Variants in LHFPL3 observed in about 807,000 individuals in gnomAD.
LHFPL3 encodes the protein LHFPL tetraspan subfamily member 3 protein.
A neutral mutation model predicts 19.3 loss-of-function variants in LHFPL3; 5 were observed. The ratio of observed to expected loss-of-function variants is 0.26; its 90% CI spans 0.14 to 0.54. The LOEUF (loss-of-function observed/expected upper bound fraction) is 0.54, where lower values mean the gene tolerates loss of function less well. Ranked by LOEUF, LHFPL3 falls within the 20% of genes least tolerant of loss-of-function variation. LHFPL3 has a pLI of 0.94. For synonymous variants in LHFPL3, 133 were observed against 126.2 expected (o/e 1.05, Z -0.36); for missense variants, 249 against 307.4 (o/e 0.81, Z 1.42).
chr7:104,834,280 G>GTT (rs1791048152), intron 2 of LHFPL3, among the ~76,000 whole-genome samples: 1 of 151,154 alleles, frequency 6.6e-6, no homozygotes, highest in Non-Finnish European at 1.5e-5. Context: ...ATCACAGTTG[G>GTT]AGTGAGCCAA....
At chr7:104,597,327 T>A (rs1040446265) in intron 1 of LHFPL3, among the ~76,000 whole-genome samples, 1 of 152,226 alleles carries the variant, frequency 6.6e-6, no homozygotes, top group Non-Finnish European at 1.5e-5. Context: ...AACTAAAAAA[T>A]AAACTTTCCA....
intron 1 of LHFPL3, among the ~76,000 whole-genome samples, chr7:104,400,982 A>G (rs1488392162): frequency 6.6e-6 from 1 of 152,224 alleles, no homozygotes; most frequent in Admixed American, 6.5e-5. Flanking sequence ...TTTGACATCT[A>G]TAATGGAGTC....
At chr7:104,791,510 G>A (rs1790023350) in intron 2 of LHFPL3, among the ~76,000 whole-genome samples, 1 of 152,072 alleles carries the variant, frequency 6.6e-6, no homozygotes, top group Non-Finnish European at 1.5e-5. Flanking sequence ...TGTAGTTCAG[G>A]GGTCTTCCCA....
At chr7:104,433,390 A>T (rs944403034) in intron 1 of LHFPL3, among the ~76,000 whole-genome samples, 2 of 152,190 alleles carry the variant, frequency 1.3e-5, no homozygotes, top group African/African-American at 4.8e-5. Context: ...GGCTCTCTGG[A>T]GTCCACTTTG....
chr7:104,597,130 T>C (rs1043034137), intron 1 of LHFPL3, among the ~76,000 whole-genome samples: 1 of 152,236 alleles, frequency 6.6e-6, no homozygotes, highest in African/African-American at 2.4e-5. Context: ...TTCATAATGA[T>C]GTAACAACAA....
At chr7:104,514,493 A>G (rs1270973496) in intron 1 of LHFPL3, among the ~76,000 whole-genome samples, 1 of 152,200 alleles carries the variant, frequency 6.6e-6, no homozygotes, top group Non-Finnish European at 1.5e-5. Flanking sequence ...GTGCTCAATA[A>G]ATAATTTGTT....
intron 2 of LHFPL3, among the ~76,000 whole-genome samples, chr7:104,825,591 T>C (rs943486159): frequency 1.3e-5 from 2 of 151,824 alleles, no homozygotes; most frequent in African/African-American, 2.4e-5. Context: ...CAAAAAAAAA[T>C]TCAAATAATA....
chr7:104,656,729 G>A (rs991460457), intron 1 of LHFPL3, among the ~76,000 whole-genome samples: 3 of 152,150 alleles, frequency 2.0e-5, no homozygotes, highest in Non-Finnish European at 2.9e-5. Context: ...AATTCTCCAG[G>A]ACCTGAGGAG....
chr7:104,803,651 G>A (rs1790298993), intron 2 of LHFPL3: 1 of 152,210 alleles, frequency 6.6e-6, no homozygotes. Context: ...CAAATATAAG[G>A]AAGACTTGGT....
intron 1 of LHFPL3, among the ~76,000 whole-genome samples, chr7:104,495,389 T>G (rs1793443492): frequency 6.6e-6 from 1 of 152,104 alleles, no homozygotes; most frequent in Admixed American, 6.6e-5. Flanking sequence ...AAAAAAAATT[T>G]TTTTTCTTTT....
chr7:104,636,588 G>A (rs1472201992), intron 1 of LHFPL3, among the ~76,000 whole-genome samples: 2 of 151,878 alleles, frequency 1.3e-5, no homozygotes, highest in Non-Finnish European at 2.9e-5. Flanking sequence ...GTGCCCATTT[G>A]TTCTCATTAT....
chr7:104,673,757 C>T (rs186953492), intron 1 of LHFPL3, among the ~76,000 whole-genome samples: 5 of 152,272 alleles, frequency 3.3e-5, no homozygotes, highest in Admixed American at 3.3e-4. Context: ...AGAGCATCCT[C>T]AATTAGTGGC....
At chr7:104,353,060 G>T (rs1790209328) in intron 1 of LHFPL3, among the ~76,000 whole-genome samples, 1 of 152,140 alleles carries the variant, frequency 6.6e-6, no homozygotes, top group Non-Finnish European at 1.5e-5. Context: ...CTCCAAAGGG[G>T]TTAAAATTTA....
intron 1 of LHFPL3, among the ~76,000 whole-genome samples, chr7:104,489,736 G>A (rs1019516065): frequency 3.3e-5 from 5 of 151,944 alleles, no homozygotes; most frequent in African/African-American, 7.3e-5. Context: ...AGTGAAAACC[G>A]TACATGGATG....
chr7:104,782,646 A>G (rs1389102401), intron 2 of LHFPL3, among the ~76,000 whole-genome samples: 1 of 152,224 alleles, frequency 6.6e-6, no homozygotes, highest in Non-Finnish European at 1.5e-5. Context: ...TGCATATCAC[A>G]TCATAGCACA....
chr7:104,692,553 T>G (rs1434052034), intron 1 of LHFPL3, among the ~76,000 whole-genome samples: 1 of 152,228 alleles, frequency 6.6e-6, no homozygotes, highest in Non-Finnish European at 1.5e-5. Context: ...GGCCATTGCT[T>G]CAGAGGGCGG....
At chr7:104,658,982 C>G (rs1792171550) in intron 1 of LHFPL3, among the ~76,000 whole-genome samples, 1 of 152,186 alleles carries the variant, frequency 6.6e-6, no homozygotes, top group Non-Finnish European at 1.5e-5. Flanking sequence ...ATTAGATCCT[C>G]AAGATTGGCA....
In LHFPL3 at chr7:104,846,259, C is replaced by T. The variant is rs546184900; in HGVS notation, c.683-59928C>T. 3.9e-5 allele frequency among the ~76,000 whole-genome samples: 6 copies of T among 152,298 alleles called. No individual in the cohort carries two copies. The South Asian group carries it at 1.2e-3, about 32-fold the overall frequency. On this transcript the variant is annotated intron_variant, in intron 2 of 2. Transcript: ENST00000424859. ...GGAAGGAGGGATTTGTCCCTAACAGCGTACCTGGAACATTTAAAATATGAT... is the reference window on the plus strand; with the variant it reads ...GGAAGGAGGGATTTGTCCCTAACAGTGTACCTGGAACATTTAAAATATGAT...
intron 1 of LHFPL3, among the ~76,000 whole-genome samples, chr7:104,443,351 G>T (rs1792263379): frequency 6.6e-6 from 1 of 152,162 alleles, no homozygotes; most frequent in Non-Finnish European, 1.5e-5. Flanking sequence ...AGGAATCCAT[G>T]ACCATTATCT....
Sources: allele counts gnomAD v4.1 joint callset (sites outside exome capture counted in the v4.1 genomes callset), GRCh38; gene constraint gnomAD v4.1.1; transcripts MANE v1.5; gene names NCBI Gene and HGNC (gene_info 2026-07-23, HGNC 2026-07-21).